SPATA6L: variants seen among roughly 807,000 people sequenced by gnomAD.
SPATA6L encodes the protein spermatogenesis associated 6 like.
In SPATA6L, 68 loss-of-function variants were observed where a neutral mutation model predicts 49.2. The ratio of observed to expected loss-of-function variants is 1.38; its 90% CI spans 1.14 to 1.69. The LOEUF is 1.69. Ranked by LOEUF, SPATA6L falls within the 40% of genes most tolerant of loss-of-function variation. SPATA6L has a pLI of 0.00. For missense variants in SPATA6L, 668 were observed against 464.3 expected (o/e 1.44, Z -4.03); for synonymous variants, 198 against 165.7 (o/e 1.19, Z -1.50).
At chr9:4,656,486 AAGGAAGGAAGGAAGGAAGGG>A (rs555388685) in intron 2 of SPATA6L, among the ~76,000 whole-genome samples, 3,563 of 148,366 alleles carry the variant, frequency 0.024, 99 homozygotes, top group Admixed American at 0.056. Flanking sequence ...GGAAGGAAGG[AAGGAAGGAAGGAAGGAAGGG>A]AGGAGCCGTA....
At chr9:4,611,937 G>A (rs943901237) in intron 9 of SPATA6L, among the ~76,000 whole-genome samples, 3 of 151,962 alleles carry the variant, frequency 2.0e-5, no homozygotes, top group Non-Finnish European at 4.4e-5. Context: ...TTGAACTCTT[G>A]GACTCAAGCA....
intron 13 of SPATA6L, among the ~76,000 whole-genome samples, chr9:4,592,295 AC>A (rs1821956083): frequency 6.9e-6 from 1 of 144,596 alleles, no homozygotes; most frequent in Non-Finnish European, 1.5e-5. Flanking sequence ...AGCCTGGGTG[AC>A]AGAGGGAGAC....
chr9:4,622,263 C>T, intron 7 of SPATA6L, 145 bp downstream of exon 7: 1 of 600,012 alleles, frequency 1.7e-6, no homozygotes, highest in Non-Finnish European at 2.9e-6. Flanking sequence ...GGAACACTGC[C>T]CTGGAAATTC....
In SPATA6L at chr9:4,600,157, A is replaced by G. The variant is rs796848916; in HGVS notation, c.*654T>C. The stretch of plus-strand genomic sequence containing the variant: ...ATCTAAATTTACAAAGAATTGCTGG[A>G]ACGAAGGAGTAGGAAACAGAAGGAG... On this transcript the variant is annotated 3_prime_UTR_variant, in exon 12 of 12. Coordinates refer to ENST00000682582, the MANE Select transcript of SPATA6L (RefSeq NM_001353486.2). 2.0e-4 allele frequency among the ~76,000 whole-genome samples: 30 copies of G among 152,308 alleles called. No individual in the cohort carries two copies. Among genetic ancestry groups the G allele is most frequent in the African/African-American group, 7.0e-4 (29 of 41,570 alleles).
At chr9:4,621,491 C>CT (rs111875141) in intron 7 of SPATA6L, among the ~76,000 whole-genome samples, 229 of 145,770 alleles carry the variant, frequency 1.6e-3, no homozygotes, top group Middle Eastern at 3.6e-3. Flanking sequence ...GTGTGCTATT[C>CT]TTTTTTTTTT....
intron 3 of SPATA6L, among the ~76,000 whole-genome samples, chr9:4,644,681 TCTCTCACACA>T (rs1246957009): frequency 1.2e-3 from 155 of 132,236 alleles, no homozygotes; most frequent in African/African-American, 4.8e-3. Flanking sequence ...TCTCTCTCTC[TCTCTCACACA>T]CACACACACA....
chr9:4,655,352 G>A (rs995342090), intron 3 of SPATA6L, among the ~76,000 whole-genome samples: 8 of 152,130 alleles, frequency 5.3e-5, no homozygotes, highest in South Asian at 2.1e-4. Flanking sequence ...CTATACAGAC[G>A]GAAAGATTAG....
intron 9 of SPATA6L, among the ~76,000 whole-genome samples, chr9:4,606,520 A>C (rs1388564608): frequency 2.6e-5 from 1 of 39,086 alleles, no homozygotes; most frequent in Non-Finnish European, 6.2e-5. Flanking sequence ...ACTGGGAGGC[A>C]CCCCCCAGCA....
chr9:4,618,719 G>A, intron 8 of SPATA6L, 145 bp downstream of exon 8: 2 of 758,178 alleles, frequency 2.6e-6, no homozygotes, highest in South Asian at 3.6e-5. Context: ...TGGAGTCTGG[G>A]CACATCTTCA....
chr9:4,656,441 AAAGGAAGGAAGGAAGGAAGGAAGG>A (rs376151295), intron 2 of SPATA6L, among the ~76,000 whole-genome samples: 14 of 113,936 alleles, frequency 1.2e-4, no homozygotes, highest in African/African-American at 4.1e-4. Context: ...CCTGTGAAAG[AAAGGAAGGAAGGAAGGAAGGAAGG>A]AAGGAAGGAA....
Position 4,622,442 on chromosome 9 carries a change from A to AC in SPATA6L, c.737_738insG (p.Lys247Ter). ...TTGGAAACGGAAAGTCTGAAAACTT[A>AC]GATTTTCTTCTAGACCTCCTCAAAT... On this transcript the variant is annotated frameshift_variant, in exon 7 of 12. Transcript: ENST00000682582. LOFTEE classifies it high-confidence loss of function. 6.2e-7 allele frequency: 1 copy of AC among 1,613,948 alleles called. No homozygotes were observed. The highest frequency in any genetic ancestry group is 1.1e-5 in the South Asian group (1 of 91,084).
rs750573536 is a variant in SPATA6L, at chr9:4,666,295, G to A, written c.-45C>T. 2 of 1,611,722 alleles carry A rather than the reference G, an allele frequency of 1.2e-6. No homozygotes were observed. Among genetic ancestry groups the A allele is most frequent in the Admixed American group, 3.3e-5 (2 of 60,010 alleles). On this transcript the variant is annotated 5_prime_UTR_variant, in exon 1 of 12. Transcript: ENST00000682582. ...AGGACTGGAATGAGAAGATCCTTTT[G>A]TGCCGAGCCTTGGACCAATTTTTCT...
At chr9:4,634,683 C>T (rs916333782) in intron 4 of SPATA6L, among the ~76,000 whole-genome samples, 27 of 152,110 alleles carry the variant, frequency 1.8e-4, no homozygotes, top group African/African-American at 4.1e-4. Context: ...TCAAGAAAAT[C>T]GTCAGGGTTG....
At chr9:4,659,516 A>G (rs1260336387) in intron 2 of SPATA6L, among the ~76,000 whole-genome samples, 1 of 152,042 alleles carries the variant, frequency 6.6e-6, no homozygotes, top group Non-Finnish European at 1.5e-5. Context: ...ACTGATCAAC[A>G]AAATAAAAAA....
intron 2 of SPATA6L, among the ~76,000 whole-genome samples, chr9:4,657,206 A>G (rs966365495): frequency 1.9e-5 from 2 of 106,360 alleles, no homozygotes; most frequent in Non-Finnish European, 3.9e-5. Context: ...TGGTATTCAA[A>G]CTTAAACAAA....
intron 9 of SPATA6L, among the ~76,000 whole-genome samples, chr9:4,611,065 C>G (rs945572387): frequency 1.5e-4 from 23 of 149,442 alleles, no homozygotes; most frequent in Non-Finnish European, 3.2e-4. Flanking sequence ...CATCACTGGC[C>G]ATCAGAGAAA....
At chr9:4,606,439 A>G (rs535124227) in intron 9 of SPATA6L, among the ~76,000 whole-genome samples, 1 of 55,172 alleles carries the variant, frequency 1.8e-5, no homozygotes, top group Non-Finnish European at 3.9e-5. Context: ...CCCAGTACGC[A>G]GCTGGAGATC....
chr9:4,634,457 A>G (rs916278033), intron 4 of SPATA6L, among the ~76,000 whole-genome samples: 1 of 152,206 alleles, frequency 6.6e-6, no homozygotes, highest in African/African-American at 2.4e-5. Context: ...TGTTTGATGT[A>G]TTAGAAGCTC....
chr9:4,665,279 C>T (rs937359038), intron 1 of SPATA6L: 1 of 160,768 alleles, frequency 6.2e-6, no homozygotes, highest in Non-Finnish European at 1.5e-5. Flanking sequence ...TGAAAACTTG[C>T]TTAATTTTTG....
Sources: gnomAD v4.1 joint callset for allele counts (sites outside exome capture counted in the v4.1 genomes callset) on GRCh38, gnomAD v4.1.1 for gene constraint, MANE v1.5 for transcripts, NCBI Gene and HGNC (gene_info 2026-07-23, HGNC 2026-07-21) for gene names.